COL2A1: variants seen among roughly 807,000 people sequenced by gnomAD.
The protein encoded by COL2A1 is collagen alpha-1(II) chain.
In COL2A1, 28 loss-of-function variants were observed where a neutral mutation model predicts 204.5. The ratio of observed to expected loss-of-function variants is 0.14; its 90% CI spans 0.10 to 0.19. The LOEUF is 0.19. Among genes scored for constraint, COL2A1 ranks in the 10% least tolerant of loss-of-function variants. The probability of loss-of-function intolerance (pLI) is 1.00; values close to 1 mark genes in which losing one functional copy is unlikely to be tolerated. For synonymous variants in COL2A1, 708 were observed against 718.7 expected (o/e 0.99, Z 0.24); for missense variants, 1,388 against 2,027.5 (o/e 0.68, Z 6.06).
At chr12:47,996,207 G>T (rs1425089417) in intron 8 of COL2A1, among the ~76,000 whole-genome samples, 1 of 152,236 alleles carries the variant, frequency 6.6e-6, no homozygotes, top group African/African-American at 2.4e-5. Context: ...GCTGCGGGCT[G>T]AGATTTCCTG....
In COL2A1 at chr12:47,980,948, C is replaced by T. The variant is rs1793940; in HGVS notation, c.2484G>A (p.Gly828=). The T allele has an allele frequency of 4.5e-6, 7 of 1,552,134 alleles. No individual in the cohort carries two copies. Among genetic ancestry groups the T allele is most frequent in the East Asian group, 2.4e-5 (1 of 40,946 alleles). The change falls in exon 38 of 54, where the codon GGG becomes GGA. Residue 828 remains glycine (G), a synonymous_variant. Transcript: ENST00000380518. The surrounding 1 kb of genome is among the most constrained non-coding windows in gnomAD (Gnocchi z 4.5). The part of the protein sequence containing the change: ...RGAPGERGET[G]PPGPAGFAGP... ...CAGCAAATCCCGCTGGTCCGGGGGG[C>T]CCAGTCTCTCCACGTTCACCCTGTG... is the stretch of plus-strand genomic sequence containing the variant.
intron 29 of COL2A1, 117 bp from the exon 30 acceptor site, chr12:47,983,853 C>T (rs1939237237): frequency 1.8e-6 from 2 of 1,107,058 alleles, no homozygotes; most frequent in Non-Finnish European, 2.7e-6. Context: ...TCCTGCACCA[C>T]TCAGACAGTG....
Position 47,980,754 on chromosome 12 carries a change from G to T in COL2A1, c.2518-93C>A. 1 of 1,411,968 alleles carries T rather than the reference G, an allele frequency of 7.1e-7. No homozygotes were observed. The highest frequency in any genetic ancestry group is 9.8e-7 in the Non-Finnish European group (1 of 1,018,890). 87.5% of individuals were successfully genotyped at this position (1,411,968 alleles called of 1,614,324 possible). A position where few individuals can be genotyped will look rare whatever the true frequency, so the allele number is the denominator to read the frequency against. On this transcript the variant is annotated intron_variant, in intron 38 of 53. Transcript: ENST00000380518. This position sits in a 1 kb window ranked among gnomAD's most constrained non-coding sequence, Gnocchi z 4.5. ...CAGGAGACTCTGTGAGTATCTGCGTGTGTGTCCTGGTCTGGACATGATGGT... is the reference window on the plus strand; with the variant it reads ...CAGGAGACTCTGTGAGTATCTGCGTTTGTGTCCTGGTCTGGACATGATGGT...
rs562450602 is a variant in COL2A1, at chr12:47,987,917, C to T, written c.1123-208G>A. On this transcript the variant is annotated intron_variant, in intron 18 of 53. Transcript: ENST00000380518. This position sits in a 1 kb window ranked among gnomAD's most constrained non-coding sequence, Gnocchi z 4.1. Reference sequence around the variant, plus strand: ...GAGCTGATGACTTGATGACTTCCCACGCCTGCCTCCTCTACTGCTTACCTC... The same window carrying T: ...GAGCTGATGACTTGATGACTTCCCATGCCTGCCTCCTCTACTGCTTACCTC... Among the ~76,000 whole-genome samples the T allele has an allele frequency of 9.5e-4, 145 of 152,292 alleles. No homozygotes were observed. Among genetic ancestry groups the T allele is most frequent in the African/African-American group, 3.2e-3 (135 of 41,546 alleles).
intron 26 of COL2A1, among the ~76,000 whole-genome samples, chr12:47,985,311 C>A (rs1483288701): frequency 6.6e-6 from 1 of 152,156 alleles, no homozygotes; most frequent in Non-Finnish European, 1.5e-5. Context: ...TGTCATCATT[C>A]CCCCAAGGAT....
In COL2A1 at chr12:47,976,160, C is replaced by T. The variant is rs560214659; in HGVS notation, c.3490-90G>A. On this transcript the variant is annotated intron_variant, in intron 49 of 53. Coordinates refer to ENST00000380518, the MANE Select transcript of COL2A1 (RefSeq NM_001844.5). This position sits in a 1 kb window ranked among gnomAD's most constrained non-coding sequence, Gnocchi z 4.3. ...GCTGGGTAGGTGGCTGTCCTGATAG[C>T]ACCAGCCACTCCGCCCCCAGTTCTT... 33 of 890,226 alleles carry T rather than the reference C, an allele frequency of 3.7e-5. No homozygotes were observed. The Middle Eastern group carries it at 6.4e-4, about 17-fold the overall frequency. 55.1% of individuals were successfully genotyped at this position (890,226 alleles called of 1,614,324 possible).
Position 47,987,472 on chromosome 12 carries a change from T to A in COL2A1, c.1221+139A>T. ...GGAAGATGGGATAGAAGGGAATACA[T>A]CTAGAGGTGGGGACAGGCATTGGGC... On this transcript the variant is annotated intron_variant, in intron 19 of 53. Transcript: ENST00000380518. This position sits in a 1 kb window ranked among gnomAD's most constrained non-coding sequence, Gnocchi z 4.1. 9.5e-7 allele frequency: 1 copy of A among 1,050,114 alleles called. No homozygotes were observed. Among genetic ancestry groups the A allele is most frequent in the Admixed American group, 2.0e-5 (1 of 50,478 alleles). The allele number at this position is 1,050,114 out of a possible 1,614,324, so 65.0% of individuals were successfully genotyped here.
chr12:47,992,754 G>A (rs548290448), intron 16 of COL2A1, 124 bp downstream of exon 16: 32 of 1,003,904 alleles, frequency 3.2e-5, no homozygotes, highest in East Asian at 2.6e-5. Context: ...CACTGGGGGT[G>A]AATTCTTAAG....
In COL2A1 at chr12:47,978,010, C is replaced by T. The variant is rs1592201732; in HGVS notation, c.3111G>A (p.Glu1037=). 1.2e-6 allele frequency: 2 copies of T among 1,613,252 alleles called. No homozygotes were observed. The highest frequency in any genetic ancestry group is 1.7e-6 in the Non-Finnish European group (2 of 1,179,772). The change falls in exon 44 of 54, where the codon GAG becomes GAA. Residue 1037 remains glutamate, a splice_region_variant and synonymous_variant. Transcript: ENST00000380518. This position sits in a 1 kb window ranked among gnomAD's most constrained non-coding sequence, Gnocchi z 5.5. ...LTGPAGEPGR[E]GSPGADGPPG... ...CACCCCAGGGGGTCTCACTGCTCAC[C>T]TCTCGTCCAGGTTCACCTGCAGGAC... is the stretch of plus-strand genomic sequence containing the variant.
At position 47,973,429 on chromosome 12, in the gene COL2A1, A is replaced by G. The variant is rs1592192843; in HGVS notation, c.4442T>C (p.Ile1481Thr). 6.2e-7 allele frequency: 1 copy of G among 1,614,148 alleles called. No individual in the cohort carries two copies. Reference sequence around the variant, plus strand: ...TTTTTACAAGAAGCAGACCGGCCCTATGTCCACACCGAATTCCTGCTCGGG... The same window carrying G: ...TTTTTACAAGAAGCAGACCGGCCCTGTGTCCACACCGAATTCCTGCTCGGG... ...GGPEQEFGVDIGPVCFL is the reference protein window; with the variant it reads ...GGPEQEFGVDTGPVCFL Residue 1481 changes from isoleucine (I) to threonine (T), a missense_variant, in exon 54 of 54, where the codon ATA (isoleucine) becomes ACA (threonine). By Grantham distance (89) the Ile-to-Thr change is moderately conservative. This residue lies in a region of COL2A1 where 303 missense variants were observed against 369.2 expected (regional missense o/e 0.82). Coordinates refer to ENST00000380518, the MANE Select transcript of COL2A1 (RefSeq NM_001844.5).
chr12:47,977,309 A>G lies in COL2A1; in HGVS notation c.3273+11T>C, dbSNP rs2136520967. On this transcript the variant is annotated intron_variant, in intron 46 of 53. Coordinates refer to ENST00000380518, the MANE Select transcript of COL2A1 (RefSeq NM_001844.5). ...GGGGAAGGCGGCTTTTACTGAATTC[A>G]GGATACTTACAGCTTCTCCTCTGTC... 1 of 1,609,984 alleles carries G rather than the reference A, an allele frequency of 6.2e-7. No individual in the cohort carries two copies. The highest frequency in any genetic ancestry group is 8.5e-7 in the Non-Finnish European group (1 of 1,176,208).
intron 21 of COL2A1, 46 bp from the exon 22 acceptor site, chr12:47,986,934 C>T: frequency 3.1e-6 from 5 of 1,610,076 alleles, no homozygotes; most frequent in Non-Finnish European, 4.3e-6. Flanking sequence ...CTCCAGGGAG[C>T]CTGCCCCTCC....
At chr12:47,996,473 G>T in intron 8 of COL2A1, 75 bp downstream of exon 8, 1 of 1,170,762 alleles carries the variant, frequency 8.5e-7, no homozygotes, top group Non-Finnish European at 1.3e-6. Context: ...TAAAGCAGAG[G>T]TTGTCAGACT....
At chr12:47,977,449 G>T in intron 45 of COL2A1, 22 bp from the exon 46 acceptor site, 2 of 1,598,530 alleles carry the variant, frequency 1.3e-6, no homozygotes, top group Non-Finnish European at 1.7e-6. Flanking sequence ...GAGGTCTCAG[G>T]CTCAGAGAAG....
chr12:47,981,350 C>T lies in COL2A1; in HGVS notation c.2456G>A (p.Gly819Asp). 1 of 1,612,906 alleles carries T rather than the reference C, an allele frequency of 6.2e-7. No homozygotes were observed. Among genetic ancestry groups the T allele is most frequent in the Non-Finnish European group, 8.5e-7 (1 of 1,179,844 alleles). The change falls in exon 37 of 54, where the codon GGC (glycine) becomes GAC (aspartate). Residue 819 changes from glycine (G) to aspartate (D), a missense_variant. Gly to Asp is a moderately conservative substitution (Grantham distance 94). Around this residue, in one of 3 missense-constraint regions of COL2A1, gnomAD observed 884 missense variants for 1,415.8 expected, o/e 0.62. Coordinates refer to ENST00000380518, the MANE Select transcript of COL2A1 (RefSeq NM_001844.5). Reference sequence around the variant, plus strand: ...AGAGGGGCAGACACTCACCGGAGCGCCACGAGCACCAGCACTTCCTGCAGG... The same window carrying T: ...AGAGGGGCAGACACTCACCGGAGCGTCACGAGCACCAGCACTTCCTGCAGG... ...PGPAGSAGAR[G>D]APGERGETGP...
chr12:47,994,436 C>T lies in COL2A1; in HGVS notation c.804G>A (p.Pro268=), dbSNP rs779092796. 18 of 1,613,976 alleles carry T rather than the reference C, an allele frequency of 1.1e-5. No homozygotes were observed. The highest frequency in any genetic ancestry group is 4.5e-5 in the East Asian group (2 of 44,902). Residue 268 remains proline (P), a synonymous_variant, in exon 12 of 54, where the codon CCG becomes CCA. Coordinates refer to ENST00000380518, the MANE Select transcript of COL2A1 (RefSeq NM_001844.5). The part of the protein sequence containing the change: ...GKPGKAGERG[P]PGPQGARGFP... ...CGGTGGCGTTTACCTGAGGACCAGG[C>T]GGACCCCTTTCACCAGCTTTTCCAG...
chr12:47,993,973 C>A, intron 13 of COL2A1, 21 bp downstream of exon 13: 3 of 1,614,140 alleles, frequency 1.9e-6, no homozygotes, highest in Non-Finnish European at 2.5e-6. Context: ...TCCTTCCAAC[C>A]TTCTCACCCG....
In COL2A1 at chr12:47,984,147, A is replaced by G; in HGVS notation, c.1888-7T>C. 1 of 1,613,320 alleles carries G rather than the reference A, an allele frequency of 6.2e-7. No homozygotes were observed. Among genetic ancestry groups the G allele is most frequent in the Non-Finnish European group, 8.5e-7 (1 of 1,179,706 alleles). On this transcript the variant is annotated splice_polypyrimidine_tract_variant and splice_region_variant and intron_variant, in intron 28 of 53. Transcript: ENST00000380518. ...CATCTTTGCCAGGAAGACCCTAGAC[A>G]GAAGAGAAAAAGAAAAGTCAATGAC... is the stretch of plus-strand genomic sequence containing the variant.
rs1258036068 is a variant in COL2A1 at position 47,977,362 on chromosome 12, G to C, written c.3231C>G (p.Gly1077=). 1 of 1,613,550 alleles carries C rather than the reference G, an allele frequency of 6.2e-7. No homozygotes were observed. The highest frequency in any genetic ancestry group is 2.2e-5 in the East Asian group (1 of 44,892). ...PGAPGPPGSP[G]PAGPTGKQGD... ...CTTGCTTGCCAGTTGGACCAGCGGG[G>C]CCAGGGGAGCCAGGGGGCCCAGGGG... Residue 1077 remains glycine (G), a synonymous_variant, in exon 46 of 54, where the codon GGC becomes GGG. Coordinates refer to ENST00000380518, the MANE Select transcript of COL2A1 (RefSeq NM_001844.5).
Sources: allele counts gnomAD v4.1 joint callset (sites outside exome capture counted in the v4.1 genomes callset), GRCh38; gene constraint gnomAD v4.1.1; regional missense constraint gnomAD v4.1.1; non-coding constraint Gnocchi (gnomAD v3.1); transcripts MANE v1.5; gene names NCBI Gene and HGNC (gene_info 2026-07-23, HGNC 2026-07-21).